Variants in GPR107 observed in about 807,000 individuals in gnomAD.
GPR107 encodes the protein G protein-coupled receptor 107.
In GPR107, 31 loss-of-function variants were observed where a neutral mutation model predicts 75.5. The observed-to-expected ratio is 0.41, with a 90% CI of 0.31 to 0.55. The LOEUF is 0.55. Among genes scored for constraint, GPR107 ranks in the 20% least tolerant of loss-of-function variants. The probability of loss-of-function intolerance (pLI) is 0.26; values close to 1 mark genes in which losing one functional copy is unlikely to be tolerated. For missense variants in GPR107, 572 were observed against 665.7 expected, an observed-to-expected ratio of 0.86 and a Z score of 1.55; for synonymous variants, 267 against 251.3, an observed-to-expected ratio of 1.06 and a Z score of -0.59.
intron 1 of GPR107, among the ~76,000 whole-genome samples, chr9:130,064,527 C>T (rs915407431): frequency 9.2e-5 from 14 of 152,166 alleles, no homozygotes; most frequent in Admixed American, 6.5e-4. Context: ...TCCCTTTCTA[C>T]ATCTGTTTAG....
At chr9:130,122,763 C>T (rs1831577771) in intron 14 of GPR107, among the ~76,000 whole-genome samples, 1 of 152,184 alleles carries the variant, frequency 6.6e-6, no homozygotes, top group Admixed American at 6.5e-5. Context: ...TGTCTCACAC[C>T]TGTAATCCCA....
intron 14 of GPR107, among the ~76,000 whole-genome samples, chr9:130,116,067 A>AG (rs1831422495): frequency 6.6e-6 from 1 of 152,222 alleles, no homozygotes; most frequent in African/African-American, 2.4e-5. Context: ...TCCATTAACC[A>AG]GTGATACCAC....
chr9:130,116,496 G>A (rs1831431878), intron 14 of GPR107, among the ~76,000 whole-genome samples: 1 of 152,212 alleles, frequency 6.6e-6, no homozygotes, highest in Admixed American at 6.5e-5. Context: ...TGTGTGCAGT[G>A]GACAGGAGGG....
chr9:130,097,257 C>T (rs945585519), intron 9 of GPR107, among the ~76,000 whole-genome samples: 1 of 147,888 alleles, frequency 6.8e-6, no homozygotes, highest in Admixed American at 7.0e-5. Flanking sequence ...TGAGTGCAAG[C>T]GATTCTCCTG....
chr9:130,091,026 A>G (rs1373085664), intron 8 of GPR107, 43 bp downstream of exon 8: 1 of 820,150 alleles, frequency 1.2e-6, no homozygotes, highest in Non-Finnish European at 2.1e-6. Context: ...TTTTGTCAGC[A>G]TAAAACGGGA....
chr9:130,135,197 G>C lies in GPR107; in HGVS notation c.*76G>C. ...ATAGTCCTATTGGACAGCAGGAGCA[G>C]CTCCTACAGTGAACTATTGGCACCA... On this transcript the variant is annotated 3_prime_UTR_variant, in exon 18 of 18. Transcript: ENST00000347136. 1 of 738,832 alleles carries C rather than the reference G, an allele frequency of 1.4e-6. No homozygotes were observed. The highest frequency in any genetic ancestry group is 1.8e-5 in the South Asian group (1 of 55,850). The allele number at this position is 738,832 out of a possible 1,614,324, so 45.8% of individuals were successfully genotyped here.
intron 1 of GPR107, among the ~76,000 whole-genome samples, chr9:130,060,085 C>T (rs1180756432): frequency 4.6e-5 from 7 of 150,614 alleles, no homozygotes; most frequent in African/African-American, 9.8e-5. Flanking sequence ...GGGGGGCGCA[C>T]GGAGTCTCAT....
At chr9:130,102,141 C>G (rs1831046822) in intron 12 of GPR107, among the ~76,000 whole-genome samples, 1 of 152,064 alleles carries the variant, frequency 6.6e-6, no homozygotes, top group Non-Finnish European at 1.5e-5. Context: ...AGAGATAGGG[C>G]TGGCCTGGGT....
intron 9 of GPR107, among the ~76,000 whole-genome samples, chr9:130,093,526 A>G (rs1172363634): frequency 6.6e-6 from 1 of 152,156 alleles, no homozygotes; most frequent in Admixed American, 6.5e-5. Context: ...TCTAATGAAC[A>G]TGCTCGGAGT....
intron 1 of GPR107, among the ~76,000 whole-genome samples, chr9:130,055,801 G>A (rs1308563005): frequency 6.6e-6 from 1 of 151,314 alleles, no homozygotes; most frequent in Admixed American, 6.6e-5. Context: ...AATATTAGAC[G>A]GGCATGGTGG....
chr9:130,091,997 A>AT lies in GPR107; in HGVS notation c.730-243dup, dbSNP rs1172299057. Among the ~76,000 whole-genome samples the AT allele has an allele frequency of 2.7e-5, 4 of 150,216 alleles. No homozygotes were observed. In the East Asian group the frequency reaches 5.9e-4, roughly 22 times the overall value. On this transcript the variant is annotated intron_variant, in intron 8 of 17. Transcript: ENST00000347136. ...GCGTGAGCCACTGTGCCTGGCCCTAATTTTTTTTGTGTTTTTAGTAGAGAC... is the reference window on the plus strand; with the variant it reads ...GCGTGAGCCACTGTGCCTGGCCCTAATTTTTTTTTGTGTTTTTAGTAGAGAC...
chr9:130,085,824 G>A (rs1268277668), intron 6 of GPR107, among the ~76,000 whole-genome samples: 3 of 143,940 alleles, frequency 2.1e-5, no homozygotes, highest in Non-Finnish European at 3.0e-5. Flanking sequence ...GCAGTGGCAC[G>A]ATCTCAACCT....
chr9:130,114,050 CATTTTTTTTTTTT>C (rs1831366507), intron 14 of GPR107, among the ~76,000 whole-genome samples: 2 of 55,000 alleles, frequency 3.6e-5, no homozygotes, highest in Non-Finnish European at 7.3e-5. Flanking sequence ...TTTTTTTTTT[CATTTTTTTTTTTT>C]AGAAAAGAGG....
At chr9:130,130,261 G>A (rs1208527803) in intron 17 of GPR107, among the ~76,000 whole-genome samples, 3 of 152,240 alleles carry the variant, frequency 2.0e-5, no homozygotes, top group East Asian at 1.9e-4. Context: ...TATCGGATGC[G>A]ATTTCAATTA....
intron 14 of GPR107, among the ~76,000 whole-genome samples, chr9:130,124,386 A>G (rs1423315100): frequency 6.6e-6 from 1 of 152,178 alleles, no homozygotes; most frequent in African/African-American, 2.4e-5. Context: ...GGTTGTACTG[A>G]AAGGGCTTAT....
intron 9 of GPR107, 124 bp from the exon 10 acceptor site, chr9:130,099,333 C>A: frequency 3.3e-6 from 2 of 597,082 alleles, no homozygotes; most frequent in Non-Finnish European, 3.0e-6. Flanking sequence ...AAAAAAGTTT[C>A]ATGTTTGTGG....
At chr9:130,081,162 C>T (rs1478816613) in intron 5 of GPR107, among the ~76,000 whole-genome samples, 1 of 152,044 alleles carries the variant, frequency 6.6e-6, no homozygotes, top group African/African-American at 2.4e-5. Context: ...CACATTGAGC[C>T]GTGATGCACT....
chr9:130,075,217 A>G (rs929378136), intron 1 of GPR107, among the ~76,000 whole-genome samples: 1 of 148,426 alleles, frequency 6.7e-6, no homozygotes, highest in Non-Finnish European at 1.5e-5. Flanking sequence ...AAGATATCAT[A>G]GTTTTTCTCT....
At chr9:130,063,175 T>C (rs888534179) in intron 1 of GPR107, among the ~76,000 whole-genome samples, 2 of 152,170 alleles carry the variant, frequency 1.3e-5, no homozygotes, top group Non-Finnish European at 2.9e-5. Flanking sequence ...AGCATGTGTG[T>C]ATACATAAAA....
Sources: allele counts gnomAD v4.1 joint callset (sites outside exome capture counted in the v4.1 genomes callset), GRCh38; gene constraint gnomAD v4.1.1; transcripts MANE v1.5; gene names NCBI Gene and HGNC (gene_info 2026-07-23, HGNC 2026-07-21).